Variants in TMEM181 observed in about 807,000 individuals in gnomAD.
The protein encoded by TMEM181 is transmembrane protein 181.
Under a neutral mutation model 71.9 loss-of-function variants are expected in TMEM181, and 39 were observed. The observed-to-expected ratio is 0.54, with a 90% confidence interval of 0.42 to 0.71. The LOEUF is 0.71. Among genes scored for constraint, TMEM181 ranks in the 30% least tolerant of loss-of-function variants. The pLI, the probability that TMEM181 is intolerant of heterozygous loss-of-function variation, is 0.00. For synonymous variants in TMEM181, 245 were observed against 228.8 expected (o/e 1.07, Z -0.64); for missense variants, 595 against 583.0 (o/e 1.02, Z -0.21).
intron 5 of TMEM181, among the ~76,000 whole-genome samples, chr6:158,587,672 T>C (rs746615708): frequency 4.6e-5 from 7 of 151,462 alleles, no homozygotes; most frequent in Non-Finnish European, 1.5e-5. Context: ...AGCCATTGTC[T>C]GACTTAGGTA....
intron 1 of TMEM181, among the ~76,000 whole-genome samples, chr6:158,553,221 C>T (rs1781771425): frequency 1.3e-5 from 2 of 151,346 alleles, no homozygotes; most frequent in African/African-American, 2.4e-5. Context: ...ATGAACCAGA[C>T]ATTTAATGAA....
chr6:158,552,787 T>C (rs1268886525), intron 1 of TMEM181, among the ~76,000 whole-genome samples: 1 of 152,052 alleles, frequency 6.6e-6, no homozygotes, highest in Non-Finnish European at 1.5e-5. Context: ...TGAGAAGCTT[T>C]AAAATGAAAA....
At chr6:158,567,610 C>T in intron 1 of TMEM181, among the ~76,000 whole-genome samples, 1 of 152,312 alleles carries the variant, frequency 6.6e-6, no homozygotes, top group South Asian at 2.1e-4. Context: ...GAGAGAGCAT[C>T]TTAGATCAGC....
chr6:158,634,095 A>C lies in TMEM181; in HGVS notation c.*2207A>C, dbSNP rs996638805. ...ATCTTCATACATTGAGTCTTCATGC[A>C]TCAATGAAATGAAAAATATAGGATT... On this transcript the variant is annotated 3_prime_UTR_variant, in exon 17 of 17. Transcript: ENST00000684151. 1.3e-5 allele frequency: 2 copies of C among 152,238 alleles called. No homozygotes were observed. The highest frequency in any genetic ancestry group is 4.8e-5 in the African/African-American group (2 of 41,470). The allele number at this position is 152,238 out of a possible 1,614,324, so 9.4% of individuals were successfully genotyped here. A position where few individuals can be genotyped will look rare whatever the true frequency, so the allele number is the denominator to read the frequency against.
intron 5 of TMEM181, among the ~76,000 whole-genome samples, chr6:158,588,067 G>A (rs374159050): frequency 6.6e-6 from 1 of 152,240 alleles, no homozygotes; most frequent in Non-Finnish European, 1.5e-5. Context: ...AAAGCCCAGA[G>A]GGCAGGCAGC....
Position 158,632,311 on chromosome 6 carries a change from G to T in TMEM181, c.*423G>T, listed in dbSNP as rs3734472. The T allele has an allele frequency of 0.2, 38,470 of 195,382 alleles. 4,381 individuals are homozygous for T. The highest frequency in any genetic ancestry group is 0.34 in the African/African-American group (14,241 of 42,506). The allele number at this position is 195,382 out of a possible 1,614,324, so 12.1% of individuals were successfully genotyped here. A position where few individuals can be genotyped will look rare whatever the true frequency, so the allele number is the denominator to read the frequency against. On this transcript the variant is annotated 3_prime_UTR_variant, in exon 17 of 17. Coordinates refer to ENST00000684151, the MANE Select transcript of TMEM181 (RefSeq NM_001376852.1). ...CTTCCCTTTTCCATGGTACTGTTTT[G>T]TGACCCTTTAAACTCAAAGGGAAGC...
intron 1 of TMEM181, among the ~76,000 whole-genome samples, chr6:158,565,202 T>C (rs1782419417): frequency 6.6e-6 from 1 of 152,264 alleles, no homozygotes; most frequent in Admixed American, 6.5e-5. Context: ...TTTGTGGTTC[T>C]GTGCAGCAGT....
intron 1 of TMEM181, among the ~76,000 whole-genome samples, chr6:158,573,157 G>T (rs74822636): frequency 1.9e-3 from 284 of 152,318 alleles, no homozygotes; most frequent in African/African-American, 6.2e-3. Flanking sequence ...TGTGGGGTTG[G>T]TGTGCTGCGT....
Position 158,625,146 on chromosome 6 carries a change from C to T in TMEM181, c.997C>T (p.Leu333=). 1 of 1,614,192 alleles carries T rather than the reference C, an allele frequency of 6.2e-7. No individual in the cohort carries two copies. Among genetic ancestry groups the T allele is most frequent in the Non-Finnish European group, 8.5e-7 (1 of 1,180,018 alleles). Residue 333 remains leucine, a synonymous_variant, in exon 12 of 17, where the codon CTG becomes TTG. Coordinates refer to ENST00000684151, the MANE Select transcript of TMEM181 (RefSeq NM_001376852.1). ...CATGGTGGTGGCAGCGGTGTACATT[C>T]TGTACCTCTTGTTCTTGATAGTGCG... ...FFMVVAAVYI[L]YLLFLIVRAC...
At position 158,633,205 on chromosome 6, in the gene TMEM181, G is replaced by C. The variant is rs953402577; in HGVS notation, c.*1317G>C. 1 of 152,216 alleles carries C rather than the reference G, an allele frequency of 6.6e-6. No homozygotes were observed. The highest frequency in any genetic ancestry group is 2.4e-5 in the African/African-American group (1 of 41,450). The allele number at this position is 152,216 out of a possible 1,614,324, so 9.4% of individuals were successfully genotyped here. A position where few individuals can be genotyped will look rare whatever the true frequency, so the allele number is the denominator to read the frequency against. On this transcript the variant is annotated 3_prime_UTR_variant, in exon 17 of 17. Transcript: ENST00000684151. ...TAAATGGTTCATGGAAAACGTATTT[G>C]GGTAGAAGGCAACTCGTGCTTCCGG...
At chr6:158,549,952 CTTT>C (rs34066198) in intron 1 of TMEM181, among the ~76,000 whole-genome samples, 6 of 110,844 alleles carry the variant, frequency 5.4e-5, no homozygotes, top group Non-Finnish European at 8.8e-5. Flanking sequence ...TTTGTCAGGA[CTTT>C]TTTTTTTTTT....
intron 4 of TMEM181, among the ~76,000 whole-genome samples, chr6:158,584,751 C>T (rs937742127): frequency 6.6e-6 from 1 of 152,188 alleles, no homozygotes; most frequent in Non-Finnish European, 1.5e-5. Context: ...AAAAAATTAT[C>T]CCCTCTTTGT....
At chr6:158,585,708 C>T (rs1275199357) in intron 5 of TMEM181, among the ~76,000 whole-genome samples, 1 of 152,230 alleles carries the variant, frequency 6.6e-6, no homozygotes, top group Non-Finnish European at 1.5e-5. Flanking sequence ...CCACCCTGAG[C>T]ATACACGGTA....
intron 1 of TMEM181, among the ~76,000 whole-genome samples, chr6:158,566,130 T>G (rs967164548): frequency 1.3e-5 from 2 of 151,922 alleles, no homozygotes; most frequent in Non-Finnish European, 2.9e-5. Flanking sequence ...ACGGTTGGAG[T>G]TGTTGTGTCC....
rs4709218 is a variant in TMEM181, at chr6:158,573,811, C to T, written c.112+288C>T. On this transcript the variant is annotated intron_variant, in intron 2 of 16. Transcript: ENST00000684151. ...CATTGGCCAAGCAAACGTTTCTAAT[C>T]TGCTGTGCACGAGACCCAGCTGGGC... Among the ~76,000 whole-genome samples the T allele has an allele frequency of 5.4e-3, 820 of 152,294 alleles. 27 individuals are homozygous for T. The highest frequency in any genetic ancestry group is 0.052 in the Admixed American group (790 of 15,292).
intron 10 of TMEM181, among the ~76,000 whole-genome samples, chr6:158,609,280 T>C (rs536140922): frequency 1.1e-3 from 161 of 152,292 alleles, no homozygotes; most frequent in African/African-American, 3.7e-3. Context: ...TCCTTATATA[T>C]AGCTGTTTAT....
At chr6:158,537,190 C>T (rs1015245748) in intron 1 of TMEM181, among the ~76,000 whole-genome samples, 8 of 152,030 alleles carry the variant, frequency 5.3e-5, no homozygotes, top group Non-Finnish European at 1.2e-4. Context: ...GGTTGTGGCT[C>T]CTCCCTGCGC....
intron 6 of TMEM181, among the ~76,000 whole-genome samples, chr6:158,598,715 G>A (rs952159370): frequency 3.4e-5 from 5 of 147,208 alleles, no homozygotes; most frequent in African/African-American, 1.0e-4. Context: ...GCTCTGTTGC[G>A]TAGGCTGGAG....
At chr6:158,561,612 A>G (rs548744218) in intron 1 of TMEM181, among the ~76,000 whole-genome samples, 1 of 152,344 alleles carries the variant, frequency 6.6e-6, no homozygotes, top group African/African-American at 2.4e-5. Context: ...TGGCCAGGAC[A>G]GGGATCTGGG....
Sources: gnomAD v4.1 joint callset for allele counts (sites outside exome capture counted in the v4.1 genomes callset) on GRCh38, gnomAD v4.1.1 for gene constraint, MANE v1.5 for transcripts, NCBI Gene and HGNC (gene_info 2026-07-23, HGNC 2026-07-21) for gene names.